The following C2orf76 variants were observed in gnomAD, a reference collection of about 807,000 sequenced individuals.
C2orf76 encodes the protein UPF0538 protein C2orf76.
A neutral mutation model predicts 16.9 loss-of-function variants in C2orf76; 23 were observed. The observed-to-expected ratio is 1.36, with a 90% CI of 0.98 to 1.93. The LOEUF is 1.93. Among genes scored for constraint, C2orf76 ranks in the 30% most tolerant of loss-of-function variants. The probability of loss-of-function intolerance (pLI) is 0.00; values close to 1 mark genes in which losing one functional copy is unlikely to be tolerated. For synonymous variants in C2orf76, 48 were observed against 52.3 expected (o/e 0.92, Z 0.35); for missense variants, 152 against 152.6 (o/e 1.00, Z 0.02).
At chr2:119,349,456 C>T (rs561841038) in intron 1 of C2orf76, among the ~76,000 whole-genome samples, 1 of 152,314 alleles carries the variant, frequency 6.6e-6, no homozygotes, top group East Asian at 1.9e-4. Flanking sequence ...TTCGGAGGCA[C>T]CAGAAGCAGG....
chr2:119,345,080 T>C (rs1680155824), intron 1 of C2orf76, among the ~76,000 whole-genome samples: 1 of 152,140 alleles, frequency 6.6e-6, no homozygotes, highest in African/African-American at 2.4e-5. Context: ...TAGGTACATA[T>C]TTTTATAATC....
intron 1 of C2orf76, among the ~76,000 whole-genome samples, chr2:119,352,147 G>T (rs1174664684): frequency 1.3e-5 from 2 of 152,074 alleles, no homozygotes; most frequent in East Asian, 3.8e-4. Context: ...CTTCCGTCAT[G>T]CCACACGCAG....
At chr2:119,293,204 T>C in the C2orf76 span, among the ~76,000 whole-genome samples, 1 of 152,208 alleles carries the variant, frequency 6.6e-6, no homozygotes, top group Non-Finnish European at 1.5e-5. Flanking sequence ...TTTAAAAAAG[T>C]AAAACAGAGA....
chr2:119,306,969 C>T (rs1429717061), intron 5 of C2orf76, among the ~76,000 whole-genome samples: 4 of 151,954 alleles, frequency 2.6e-5, no homozygotes, highest in Non-Finnish European at 4.4e-5. Context: ...AAAGTCCTAA[C>T]GATAAATTTG....
chr2:119,286,840 C>T, the C2orf76 span, among the ~76,000 whole-genome samples: 45 of 152,002 alleles, frequency 3.0e-4, no homozygotes, highest in Non-Finnish European at 5.7e-4. Context: ...AAGGGGAGGC[C>T]GTTCTCATGA....
intron 1 of C2orf76, among the ~76,000 whole-genome samples, chr2:119,355,749 C>T (rs193072141): frequency 1.8e-4 from 28 of 152,232 alleles, no homozygotes; most frequent in Admixed American, 1.7e-3. Flanking sequence ...CCTACCACCC[C>T]ATCCATGAAA....
At position 119,311,670 on chromosome 2, in the gene C2orf76, C is replaced by T. The variant is rs374956671; in HGVS notation, c.256G>A (p.Glu86Lys). 1.2e-5 allele frequency: 19 copies of T among 1,612,244 alleles called. No homozygotes were observed. Among genetic ancestry groups the T allele is most frequent in the Admixed American group, 3.3e-5 (2 of 59,840 alleles). The change falls in exon 5 of 6, where the codon GAA (glutamate) becomes AAA (lysine). Residue 86 changes from glutamate (E) to lysine (K), a missense_variant. Glu to Lys is a moderately conservative substitution (Grantham distance 56, BLOSUM62 1). Transcript: ENST00000334816. ...CTGTCTTCTTTCAGCAGGAGTCTTT[C>T]GTCATCTTCCAAACTCAACACAAGT... The part of the protein sequence containing the change: ...NELVLSLEDD[E>K]RLLLKEDSTL...
the C2orf76 span, among the ~76,000 whole-genome samples, chr2:119,293,413 G>C: frequency 6.6e-6 from 1 of 152,346 alleles, no homozygotes; most frequent in African/African-American, 2.4e-5. Flanking sequence ...GCTGGCCCTG[G>C]GGCGTGCATA....
chr2:119,349,725 T>G (rs955523046), intron 1 of C2orf76, among the ~76,000 whole-genome samples: 14 of 152,068 alleles, frequency 9.2e-5, no homozygotes, highest in Non-Finnish European at 2.9e-5. Flanking sequence ...GCAGGACACC[T>G]TTGAGCTGGG....
At chr2:119,341,267 C>T (rs1366592855) in intron 1 of C2orf76, among the ~76,000 whole-genome samples, 2 of 152,098 alleles carry the variant, frequency 1.3e-5, no homozygotes, top group East Asian at 1.9e-4. Flanking sequence ...CCTTGGCCTC[C>T]GGAAGTGCTA....
chr2:119,352,819 T>C (rs1247097233), intron 1 of C2orf76, among the ~76,000 whole-genome samples: 1 of 152,210 alleles, frequency 6.6e-6, no homozygotes, highest in African/African-American at 2.4e-5. Flanking sequence ...GAGAGTGTAT[T>C]AGAGTGATTA....
At chr2:119,342,918 C>T (rs1397316924) in intron 1 of C2orf76, among the ~76,000 whole-genome samples, 5 of 151,986 alleles carry the variant, frequency 3.3e-5, no homozygotes, top group African/African-American at 1.2e-4. Context: ...TACAGGTACG[C>T]GCCACCAGGC....
intron 1 of C2orf76, among the ~76,000 whole-genome samples, chr2:119,358,479 G>C (rs1680641689): frequency 6.6e-6 from 1 of 151,152 alleles, no homozygotes; most frequent in African/African-American, 2.4e-5. Flanking sequence ...TCAGAAGGCT[G>C]AGGCAGGAGA....
downstream of C2orf76, among the ~76,000 whole-genome samples, chr2:119,300,768 A>G (rs931731334): frequency 2.0e-5 from 3 of 152,372 alleles, no homozygotes; most frequent in African/African-American, 7.2e-5. Flanking sequence ...AAAGTATTAA[A>G]TATTTCATGT....
At chr2:119,281,162 G>A in the C2orf76 span, among the ~76,000 whole-genome samples, 3 of 152,158 alleles carry the variant, frequency 2.0e-5, no homozygotes, top group Admixed American at 6.6e-5. Flanking sequence ...TTTTAGGTTC[G>A]GTGTTACACA....
rs74589418 is a variant in C2orf76, at chr2:119,358,383, C to G, written c.-13+8407G>C. 3.5e-4 allele frequency among the ~76,000 whole-genome samples: 53 copies of G among 152,166 alleles called. No individual in the cohort carries two copies. The East Asian group carries it at 9.1e-3, about 26-fold the overall frequency. ...CCTGAGGTCAGGAGTTCAAGACCAG[C>G]CTGACCAACATGGAGGAACCCCTGT... On this transcript the variant is annotated intron_variant, in intron 1 of 5. Coordinates refer to ENST00000334816, the MANE Select transcript of C2orf76 (RefSeq NM_001322331.2).
At chr2:119,293,576 A>G in the C2orf76 span, among the ~76,000 whole-genome samples, 11 of 152,136 alleles carry the variant, frequency 7.2e-5, no homozygotes, top group African/African-American at 2.7e-4. Context: ...TGAGAACAGG[A>G]AGAATTGTAG....
intron 3 of C2orf76, among the ~76,000 whole-genome samples, chr2:119,318,012 TA>T (rs961193422): frequency 3.3e-5 from 5 of 152,150 alleles, no homozygotes; most frequent in African/African-American, 1.2e-4. Flanking sequence ...GCAAGGCTGC[TA>T]ATGCCCCAGG....
chr2:119,328,408 A>T (rs1330961698), intron 2 of C2orf76, among the ~76,000 whole-genome samples: 1 of 152,028 alleles, frequency 6.6e-6, no homozygotes, highest in Non-Finnish European at 1.5e-5. Context: ...TTAAATTGTT[A>T]AGAATATTCC....
Sources: allele counts gnomAD v4.1 joint callset (sites outside exome capture counted in the v4.1 genomes callset), GRCh38; gene constraint gnomAD v4.1.1; transcripts MANE v1.5; gene names NCBI Gene and HGNC (gene_info 2026-07-23, HGNC 2026-07-21).